Variants in P2RY12 observed in about 807,000 individuals in gnomAD.
P2RY12 encodes the protein purinergic receptor P2Y12.
Under a neutral mutation model 4.5 loss-of-function variants are expected in P2RY12, and 3 were observed. The observed-to-expected ratio is 0.67, with a 90% CI of 0.31 to 1.74. The LOEUF is 1.74. P2RY12 is among the 40% of genes most tolerant of loss of function. The pLI, the probability that P2RY12 is intolerant of heterozygous loss-of-function variation, is 0.09. For synonymous variants in P2RY12, 148 were observed against 154.1 expected (o/e 0.96, Z 0.29); for missense variants, 356 against 407.8 (o/e 0.87, Z 1.09).
chr3:151,357,523 G>C lies in P2RY12; in HGVS notation c.-179-16763C>G, dbSNP rs913724208. ...AAGAACACTCTTGCCAGAAAACATC[G>C]ATCAAAAAGGTCTAAGCATGTAAAG... On this transcript the variant is annotated intron_variant, in intron 1 of 2. Coordinates refer to ENST00000302632, the MANE Select transcript of P2RY12 (RefSeq NM_022788.5). 6.2e-6 allele frequency: 4 copies of C among 644,530 alleles called. No individual in the cohort carries two copies. The South Asian group carries it at 1.1e-4, about 18-fold the overall frequency. 39.9% of individuals were successfully genotyped at this position (644,530 alleles called of 1,614,324 possible).
At chr3:151,368,247 A>G in intron 1 of P2RY12, 1 of 1,613,524 alleles carries the variant, frequency 6.2e-7, no homozygotes, top group Admixed American at 1.7e-5. Context: ...TACCTCAAGC[A>G]ACGGGTGAGC....
At chr3:151,382,785 T>C in intron 1 of P2RY12, 2 of 1,514,538 alleles carry the variant, frequency 1.3e-6, no homozygotes, top group Non-Finnish European at 1.8e-6. Context: ...ATTAAACATA[T>C]TTACATGTGA....
At chr3:151,372,457 T>A (rs534655109) in intron 1 of P2RY12, 1 of 752,806 alleles carries the variant, frequency 1.3e-6, no homozygotes, top group African/African-American at 1.7e-5. Context: ...TATTCAATAA[T>A]AATACTGTTC....
rs2149931111 is a variant in P2RY12 at position 151,338,191 on chromosome 3, A to G, written c.655T>C (p.Ser219Pro). ...YTLITKELYR[S>P]YVRTRGVGKV... ...CCTACACCCCTCGTTCTTACGTATG[A>G]CCGGTACAGTTCTTTTGTAATGAGT... The change falls in exon 3 of 3, where the codon TCA becomes CCA. Residue 219 changes from serine to proline, a missense_variant. Transcript: ENST00000302632. 3 of 1,614,078 alleles carry G rather than the reference A, an allele frequency of 1.9e-6. No homozygotes were observed. Among genetic ancestry groups the G allele is most frequent in the Middle Eastern group, 3.3e-4 (2 of 6,062 alleles).
In P2RY12 at chr3:151,365,813, A is replaced by G. The variant is rs766924572; in HGVS notation, c.-180+18879T>C. The stretch of plus-strand genomic sequence containing the variant: ...TCACAGGTGAGTATTTCTCTTTTGT[A>G]CAAGGTTACTTTCTGTGTCTTCTTT... On this transcript the variant is annotated intron_variant, in intron 1 of 2. Transcript: ENST00000302632. The G allele has an allele frequency of 7.1e-6, 11 of 1,553,348 alleles. No homozygotes were observed. In the South Asian group the frequency reaches 1.2e-4, roughly 17 times the overall value.
chr3:151,373,633 C>T (rs1251830473), intron 1 of P2RY12, among the ~76,000 whole-genome samples: 1 of 151,692 alleles, frequency 6.6e-6, no homozygotes, highest in Non-Finnish European at 1.5e-5. Context: ...AAGAGCCTGC[C>T]CTCCTCTCCC....
intron 1 of P2RY12, among the ~76,000 whole-genome samples, chr3:151,371,768 TC>T (rs1310964717): frequency 1.3e-5 from 2 of 152,204 alleles, no homozygotes; most frequent in Non-Finnish European, 2.9e-5. Context: ...CATTTGGCAA[TC>T]CTTATTTTGA....
intron 1 of P2RY12, chr3:151,355,254 C>T: frequency 1.3e-6 from 2 of 1,559,118 alleles, no homozygotes; most frequent in Non-Finnish European, 1.8e-6. Flanking sequence ...CTATTTAAAG[C>T]TGTTTATTAT....
At chr3:151,377,167 G>A (rs1418205353) in intron 1 of P2RY12, 1 of 1,608,688 alleles carries the variant, frequency 6.2e-7, no homozygotes, top group Admixed American at 1.7e-5. Context: ...ATGGAATAAA[G>A]ACATTCCTAA....
At chr3:151,356,841 T>C (rs1043482504) in intron 1 of P2RY12, among the ~76,000 whole-genome samples, 1 of 152,308 alleles carries the variant, frequency 6.6e-6, no homozygotes, top group East Asian at 1.9e-4. Context: ...TGGTTTCCTT[T>C]GTTTATTTTA....
intron 1 of P2RY12, chr3:151,368,117 A>G (rs186054341): frequency 1.9e-6 from 3 of 1,556,762 alleles, no homozygotes; most frequent in Non-Finnish European, 2.7e-6. Flanking sequence ...CAAGTGTGTT[A>G]GAAAACTTGC....
At chr3:151,383,774 G>T in intron 1 of P2RY12, 1 of 1,598,930 alleles carries the variant, frequency 6.3e-7, no homozygotes, top group Non-Finnish European at 8.6e-7. Context: ...TATTTTGTCT[G>T]CTAGGTAGGA....
chr3:151,347,352 TAAG>T (rs1218787783), intron 1 of P2RY12, among the ~76,000 whole-genome samples: 1 of 152,228 alleles, frequency 6.6e-6, no homozygotes, highest in African/African-American at 2.4e-5. Flanking sequence ...CATTGCCTAT[TAAG>T]GAGATTATAA....
At chr3:151,345,729 G>C (rs1752459711) in intron 1 of P2RY12, among the ~76,000 whole-genome samples, 1 of 151,846 alleles carries the variant, frequency 6.6e-6, no homozygotes, top group Admixed American at 6.6e-5. Flanking sequence ...TGTTGGCCAG[G>C]CTGGTCTCGA....
intron 1 of P2RY12, among the ~76,000 whole-genome samples, chr3:151,374,808 TG>T (rs1320691974): frequency 2.2e-4 from 34 of 151,940 alleles, no homozygotes; most frequent in African/African-American, 8.2e-4. Context: ...CTTTCAAAAG[TG>T]AAACTATACA....
chr3:151,375,684 G>C (rs1341901990), intron 1 of P2RY12, among the ~76,000 whole-genome samples: 2 of 152,092 alleles, frequency 1.3e-5, no homozygotes, highest in Non-Finnish European at 2.9e-5. Context: ...ACGTATATCT[G>C]ATAGAATCAT....
At position 151,337,844 on chromosome 3, in the gene P2RY12, A is replaced by C. The variant is rs772596809; in HGVS notation, c.1002T>G (p.Gly334=). 1 of 1,613,950 alleles carries C rather than the reference A, an allele frequency of 6.2e-7. No homozygotes were observed. The highest frequency in any genetic ancestry group is 8.5e-7 in the Non-Finnish European group (1 of 1,179,974). The stretch of plus-strand genomic sequence containing the variant: ...ACATTGGAGTCTCTTCATTTGGGTC[A>C]CCACCATCCTGTTCTTTTTTCCTAT... The part of the protein sequence containing the change: ...QDNRKKEQDG[G]DPNEETPM The change falls in exon 3 of 3, where the codon GGT becomes GGG. Residue 334 remains glycine (G), a synonymous_variant. Coordinates refer to ENST00000302632, the MANE Select transcript of P2RY12 (RefSeq NM_022788.5).
At chr3:151,355,286 A>G in intron 1 of P2RY12, 2 of 1,387,582 alleles carry the variant, frequency 1.4e-6, no homozygotes, top group Non-Finnish European at 2.0e-6. Flanking sequence ...ATTCTAATTT[A>G]CTTAAAAATT....
chr3:151,373,327 C>G (rs1756412374), intron 1 of P2RY12, among the ~76,000 whole-genome samples: 1 of 152,132 alleles, frequency 6.6e-6, no homozygotes, highest in East Asian at 1.9e-4. Context: ...ATTTGCACCT[C>G]AAGGGTGATG....
Sources: allele counts gnomAD v4.1 joint callset (sites outside exome capture counted in the v4.1 genomes callset), GRCh38; gene constraint gnomAD v4.1.1; transcripts MANE v1.5; gene names NCBI Gene and HGNC (gene_info 2026-07-23, HGNC 2026-07-21).